The following CSMD1 variants were observed in gnomAD, a reference collection of about 807,000 sequenced individuals.
The protein encoded by CSMD1 is CUB and Sushi multiple domains 1.
In CSMD1, 213 loss-of-function variants were observed where a neutral mutation model predicts 417.5. That is an observed-to-expected ratio of 0.51 (90% confidence interval 0.46 to 0.57). The LOEUF (loss-of-function observed/expected upper bound fraction) is 0.57, where lower values mean the gene tolerates loss of function less well. Among genes scored for constraint, CSMD1 ranks in the 20% least tolerant of loss-of-function variants. The pLI, the probability that CSMD1 is intolerant of heterozygous loss-of-function variation, is 0.00. For missense variants in CSMD1, 6,923 were observed against 4,529.7 expected (o/e 1.53, Z -15.17); for synonymous variants, 2,862 against 1,736.8 (o/e 1.65, Z -16.11).
intron 3 of CSMD1, among the ~76,000 whole-genome samples, chr8:4,092,192 T>C (rs373458012): frequency 1.8e-4 from 28 of 152,178 alleles, no homozygotes; most frequent in South Asian, 1.2e-3. Flanking sequence ...TTGAAATTAA[T>C]AGACATGTAT....
intron 1 of CSMD1, among the ~76,000 whole-genome samples, chr8:4,771,304 T>C (rs1416354487): frequency 6.6e-6 from 1 of 152,194 alleles, no homozygotes; most frequent in Non-Finnish European, 1.5e-5. Context: ...TATCTAATTG[T>C]ATTAAAGTTT....
intron 5 of CSMD1, among the ~76,000 whole-genome samples, chr8:3,900,798 C>G (rs1249918812): frequency 6.6e-6 from 1 of 152,192 alleles, no homozygotes; most frequent in African/African-American, 2.4e-5. Flanking sequence ...GACACAGCAG[C>G]TGGTTGACAC....
intron 5 of CSMD1, among the ~76,000 whole-genome samples, chr8:3,852,564 G>C (rs1433423282): frequency 6.6e-6 from 1 of 152,118 alleles, no homozygotes; most frequent in Non-Finnish European, 1.5e-5. Flanking sequence ...GGTGGGAGGA[G>C]GGATGGAGTA....
chr8:4,203,861 A>C (rs1799814800), intron 3 of CSMD1, among the ~76,000 whole-genome samples: 1 of 152,126 alleles, frequency 6.6e-6, no homozygotes, highest in Admixed American at 6.5e-5. Context: ...GCACTTTTGG[A>C]AGGCTGAGGT....
chr8:3,649,404 A>G (rs1012330812), intron 7 of CSMD1, among the ~76,000 whole-genome samples: 19 of 152,212 alleles, frequency 1.2e-4, no homozygotes, highest in African/African-American at 4.3e-4. Flanking sequence ...TCGTTTTCAC[A>G]CTGCTATAAA....
chr8:4,299,674 G>T (rs531780597), intron 3 of CSMD1, among the ~76,000 whole-genome samples: 52 of 151,946 alleles, frequency 3.4e-4, no homozygotes, highest in African/African-American at 1.2e-3. Flanking sequence ...TCATTCTGTC[G>T]CCAGGCTGGA....
chr8:4,041,694 C>A (rs998345850), intron 3 of CSMD1, among the ~76,000 whole-genome samples: 1 of 152,144 alleles, frequency 6.6e-6, no homozygotes, highest in Non-Finnish European at 1.5e-5. Context: ...AATTTTCAAT[C>A]AGTGAACACC....
chr8:3,308,349 G>A lies in CSMD1; in HGVS notation c.3786C>T (p.Asp1262=), dbSNP rs751933946. 1.7e-5 allele frequency: 28 copies of A among 1,613,338 alleles called. No homozygotes were observed. The highest frequency in any genetic ancestry group is 2.2e-5 in the South Asian group (2 of 91,032). ...GTAGTGGTTTGTCCCACACTCTCCT[G>A]TCTCCACTCAAACAGGTCAGGGTGT... is the stretch of plus-strand genomic sequence containing the variant. ...GSNTLTCLSG[D]RRVWDKPLPS... is the part of the protein sequence containing the mutation. Residue 1262 remains aspartate, a synonymous_variant, in exon 24 of 70, where the codon GAC becomes GAT. Transcript: ENST00000635120.
chr8:4,319,779 C>CAG (rs1028278871), intron 3 of CSMD1, among the ~76,000 whole-genome samples: 1 of 152,028 alleles, frequency 6.6e-6, no homozygotes, highest in Non-Finnish European at 1.5e-5. Context: ...GGCAAAATAC[C>CAG]AGAGAGAGAA....
At chr8:3,436,615 A>G (rs756550154) in intron 12 of CSMD1, among the ~76,000 whole-genome samples, 1 of 152,196 alleles carries the variant, frequency 6.6e-6, no homozygotes. Flanking sequence ...ATCATAATAA[A>G]CATCACACCA....
intron 5 of CSMD1, among the ~76,000 whole-genome samples, chr8:3,911,621 G>A (rs1162654568): frequency 2.6e-5 from 4 of 151,502 alleles, no homozygotes; most frequent in Non-Finnish European, 5.9e-5. Context: ...CATCCAATTC[G>A]ATTAATAACT....
At chr8:2,977,588 C>G (rs749720504) in intron 55 of CSMD1, among the ~76,000 whole-genome samples, 1 of 152,078 alleles carries the variant, frequency 6.6e-6, no homozygotes, top group Non-Finnish European at 1.5e-5. Context: ...TGGGATCTAA[C>G]TAAACAAAAG....
chr8:4,612,014 C>T (rs1289942023), intron 2 of CSMD1, among the ~76,000 whole-genome samples: 1 of 152,074 alleles, frequency 6.6e-6, no homozygotes, highest in Non-Finnish European at 1.5e-5. Flanking sequence ...CAAATTTTAA[C>T]CATCTAATTG....
chr8:3,054,451 C>CT (rs1283564808), intron 49 of CSMD1, among the ~76,000 whole-genome samples: 1 of 152,126 alleles, frequency 6.6e-6, no homozygotes, highest in East Asian at 1.9e-4. Flanking sequence ...AACCCTGTCT[C>CT]TACCAAAAAT....
chr8:3,777,358 C>T (rs1236964947), intron 5 of CSMD1, among the ~76,000 whole-genome samples: 2 of 152,100 alleles, frequency 1.3e-5, no homozygotes, highest in African/African-American at 4.8e-5. Flanking sequence ...GCAGTGCCTC[C>T]AGATGAGCTA....
chr8:3,348,454 G>C (rs530411062), intron 21 of CSMD1, among the ~76,000 whole-genome samples: 1 of 152,290 alleles, frequency 6.6e-6, no homozygotes, highest in South Asian at 2.1e-4. Flanking sequence ...AGGTGCTCCA[G>C]CACCATGGCT....
chr8:4,453,194 C>T (rs550410374), intron 2 of CSMD1, among the ~76,000 whole-genome samples: 2 of 140,000 alleles, frequency 1.4e-5, no homozygotes, highest in South Asian at 2.4e-4. Context: ...CACACAGACA[C>T]ACCCACACAG....
intron 3 of CSMD1, among the ~76,000 whole-genome samples, chr8:4,058,873 G>C (rs757951361): frequency 4.6e-5 from 7 of 151,604 alleles, no homozygotes; most frequent in African/African-American, 7.3e-5. Flanking sequence ...GTCAACATTA[G>C]ACAGATCAAC....
chr8:4,532,910 C>A (rs185787596), intron 2 of CSMD1, among the ~76,000 whole-genome samples: 2 of 150,968 alleles, frequency 1.3e-5, no homozygotes, highest in African/African-American at 2.4e-5. Context: ...AGAGTCACTC[C>A]GGAAGAGAAA....
Sources: allele counts gnomAD v4.1 joint callset (sites outside exome capture counted in the v4.1 genomes callset), GRCh38; gene constraint gnomAD v4.1.1; transcripts MANE v1.5; gene names NCBI Gene and HGNC (gene_info 2026-07-23, HGNC 2026-07-21).